The following MRPS27 variants were observed in gnomAD, a reference collection of about 807,000 sequenced individuals.
MRPS27 encodes the protein small ribosomal subunit protein mS27.
Under a neutral mutation model 48.9 loss-of-function variants are expected in MRPS27, and 43 were observed. The observed-to-expected ratio is 0.88, with a 90% confidence interval of 0.69 to 1.13. The LOEUF (loss-of-function observed/expected upper bound fraction) is 1.13. Ranked by LOEUF, MRPS27 falls within the 50% of genes most tolerant of loss-of-function variation. The pLI, the probability that MRPS27 is intolerant of heterozygous loss-of-function variation, is 0.00. For missense variants in MRPS27, 467 were observed against 476.3 expected (o/e 0.98, Z 0.18); for synonymous variants, 188 against 171.9 (o/e 1.09, Z -0.73).
intron 1 of MRPS27, among the ~76,000 whole-genome samples, chr5:72,317,175 T>C (rs963666391): frequency 6.6e-6 from 1 of 152,088 alleles, no homozygotes; most frequent in Non-Finnish European, 1.5e-5. Flanking sequence ...ACTTTCCAGC[T>C]CAAACAAATA....
chr5:72,242,938 G>GT (rs1748400639), intron 4 of MRPS27, among the ~76,000 whole-genome samples: 1 of 152,178 alleles, frequency 6.6e-6, no homozygotes, highest in Non-Finnish European at 1.5e-5. Flanking sequence ...CCATTTAGCT[G>GT]TAACACACTG....
At chr5:72,228,147 A>T in intron 8 of MRPS27, 119 bp downstream of exon 8, 1 of 875,310 alleles carries the variant, frequency 1.1e-6, no homozygotes, top group Admixed American at 2.3e-5. Context: ...ATGTCTAAAA[A>T]CGAAGGCTAA....
chr5:72,285,086 T>C (rs1356299162), intron 4 of MRPS27, among the ~76,000 whole-genome samples: 1 of 152,236 alleles, frequency 6.6e-6, no homozygotes, highest in Non-Finnish European at 1.5e-5. Flanking sequence ...TAGCAATGTA[T>C]GATAATGACA....
At chr5:72,319,886 C>T (rs2112102521) in intron 1 of MRPS27, 2 of 496,584 alleles carry the variant, frequency 4.0e-6, no homozygotes, top group Middle Eastern at 5.3e-4. Flanking sequence ...CACCCCAACA[C>T]ATAAATCTGG....
chr5:72,278,781 T>A (rs1749454560), intron 4 of MRPS27, among the ~76,000 whole-genome samples: 2 of 152,234 alleles, frequency 1.3e-5, no homozygotes, highest in South Asian at 4.1e-4. Flanking sequence ...GATATATATG[T>A]GTATGTGTGT....
At chr5:72,274,626 A>G (rs1749326985) in intron 4 of MRPS27, among the ~76,000 whole-genome samples, 1 of 152,230 alleles carries the variant, frequency 6.6e-6, no homozygotes, top group Non-Finnish European at 1.5e-5. Context: ...TAATATAGTA[A>G]ATATATAAAC....
At chr5:72,250,591 CACTA>C (rs1439626229) in intron 4 of MRPS27, among the ~76,000 whole-genome samples, 3 of 152,198 alleles carry the variant, frequency 2.0e-5, no homozygotes, top group Non-Finnish European at 2.9e-5. Context: ...AGCCCCGACT[CACTA>C]ACTGAGTCAT....
chr5:72,311,274 G>C (rs1186134337), intron 2 of MRPS27, among the ~76,000 whole-genome samples: 1 of 152,120 alleles, frequency 6.6e-6, no homozygotes, highest in South Asian at 2.1e-4. Context: ...AGGATAAAGA[G>C]CTATAATATA....
chr5:72,293,994 C>T (rs1375601337), intron 4 of MRPS27, among the ~76,000 whole-genome samples: 1 of 152,056 alleles, frequency 6.6e-6, no homozygotes, highest in African/African-American at 2.4e-5. Flanking sequence ...TATCTTTATC[C>T]TAATGAAGTA....
intron 4 of MRPS27, among the ~76,000 whole-genome samples, chr5:72,261,956 AAGAGCAGGTATCAACTGTGGC>A (rs1748991619): frequency 6.6e-6 from 1 of 152,228 alleles, no homozygotes; most frequent in South Asian, 2.1e-4. Flanking sequence ...GATGCCTGCC[AAGAGCAGGTATCAACTGTGGC>A]AGGATAAATG....
At chr5:72,272,950 TA>T (rs59576685) in intron 4 of MRPS27, among the ~76,000 whole-genome samples, 2,336 of 152,338 alleles carry the variant, frequency 0.015, 67 homozygotes, top group African/African-American at 0.051. Context: ...TGTCTAGTGT[TA>T]TATATGTTTA....
intron 4 of MRPS27, among the ~76,000 whole-genome samples, chr5:72,271,394 T>C (rs1348423216): frequency 1.3e-5 from 2 of 152,180 alleles, no homozygotes; most frequent in Non-Finnish European, 2.9e-5. Flanking sequence ...TAACATACTT[T>C]AAAATACATT....
At chr5:72,275,397 A>T (rs1749347326) in intron 4 of MRPS27, among the ~76,000 whole-genome samples, 1 of 152,242 alleles carries the variant, frequency 6.6e-6, no homozygotes, top group Non-Finnish European at 1.5e-5. Context: ...AACAAATGAA[A>T]AAACATTCCA....
At chr5:72,227,016 G>C (rs1418234964) in intron 8 of MRPS27, 1 of 152,260 alleles carries the variant, frequency 6.6e-6, no homozygotes, top group Non-Finnish European at 1.5e-5. Context: ...GACACAAACA[G>C]ACAAAGCTTA....
chr5:72,269,713 A>C, intron 4 of MRPS27, among the ~76,000 whole-genome samples: 1 of 152,300 alleles, frequency 6.6e-6, no homozygotes. Flanking sequence ...CGTGTGGGGG[A>C]TATGTGTATG....
At chr5:72,298,704 C>T (rs13361108) in intron 2 of MRPS27, among the ~76,000 whole-genome samples, 1,772 of 129,252 alleles carry the variant, frequency 0.014, 30 homozygotes, top group Non-Finnish European at 0.021. Flanking sequence ...CAGAGCGAGA[C>T]TCCGTCTCAA....
At chr5:72,290,530 A>G (rs1276441152) in intron 4 of MRPS27, among the ~76,000 whole-genome samples, 3 of 152,196 alleles carry the variant, frequency 2.0e-5, no homozygotes, top group Admixed American at 2.0e-4. Context: ...TTTCTCTCTC[A>G]GGACAGGCAG....
At chr5:72,295,870 A>G (rs73127299) in intron 3 of MRPS27, among the ~76,000 whole-genome samples, 2,340 of 152,304 alleles carry the variant, frequency 0.015, 68 homozygotes, top group African/African-American at 0.051. Flanking sequence ...GCTCAGAACA[A>G]GGAGAGTGTT....
intron 4 of MRPS27, among the ~76,000 whole-genome samples, chr5:72,262,272 C>T (rs1749000741): frequency 6.6e-6 from 1 of 152,042 alleles, no homozygotes; most frequent in South Asian, 2.1e-4. Context: ...TGTGGGGACT[C>T]AATCAGTAAC....
Sources: allele counts gnomAD v4.1 joint callset (sites outside exome capture counted in the v4.1 genomes callset), GRCh38; gene constraint gnomAD v4.1.1; transcripts MANE v1.5; gene names NCBI Gene and HGNC (gene_info 2026-07-23, HGNC 2026-07-21).